FUBP1: variants seen among roughly 807,000 people sequenced by gnomAD.
FUBP1 encodes far upstream element binding protein 1, also known as far upstream element-binding protein 1.
A neutral mutation model predicts 94.9 loss-of-function variants in FUBP1; 16 were observed. The ratio of observed to expected loss-of-function variants is 0.17; its 90% CI spans 0.11 to 0.26. The LOEUF is 0.26. FUBP1 is among the 10% of genes least tolerant of loss of function. FUBP1 has a pLI of 1.00. For synonymous variants in FUBP1, 279 were observed against 254.9 expected (o/e 1.09, Z -0.90); for missense variants, 583 against 808.6 (o/e 0.72, Z 3.38).
At chr1:77,953,347 C>G (rs889743308) in intron 18 of FUBP1, among the ~76,000 whole-genome samples, 1 of 150,754 alleles carries the variant, frequency 6.6e-6, no homozygotes, top group Non-Finnish European at 1.5e-5. Context: ...AAAAATCAGC[C>G]GGATGTGGTA....
intron 1 of FUBP1, among the ~76,000 whole-genome samples, chr1:77,975,535 A>C (rs539458395): frequency 7.9e-5 from 12 of 152,350 alleles, no homozygotes; most frequent in Admixed American, 5.2e-4. Flanking sequence ...CATAATGACT[A>C]ATTTCATAGT....
chr1:77,949,351 T>A lies in FUBP1; in HGVS notation c.1781-51A>T, dbSNP rs748470728. On this transcript the variant is annotated intron_variant, in intron 18 of 19. Transcript: ENST00000370768. ...TGTAACCACAATTATAAGCCCAACA[T>A]CTCATTTCTAATAAAAACAATACCT... 2.1e-6 allele frequency: 3 copies of A among 1,457,232 alleles called. No individual in the cohort carries two copies. In the South Asian group the frequency reaches 3.5e-5, roughly 17 times the overall value. 90.3% of individuals were successfully genotyped at this position (1,457,232 alleles called of 1,614,324 possible). A position where few individuals can be genotyped will look rare whatever the true frequency, so the allele number is the denominator to read the frequency against.
Position 77,944,777 on chromosome 1 carries a change from T to C in FUBP1, c.*3989A>G, listed in dbSNP as rs970569128. Reference sequence around the variant, plus strand: ...GAATTAACTACCAAGATAATTTGTTTAAAAGATATATTTTACAATGTTTAT... The same window carrying C: ...GAATTAACTACCAAGATAATTTGTTCAAAAGATATATTTTACAATGTTTAT... On this transcript the variant is annotated 3_prime_UTR_variant, in exon 20 of 20. Coordinates refer to ENST00000370768, the MANE Select transcript of FUBP1 (RefSeq NM_003902.5). Among the ~76,000 whole-genome samples the C allele has an allele frequency of 6.6e-6, 1 of 151,968 alleles. No individual in the cohort carries two copies. Among genetic ancestry groups the C allele is most frequent in the Non-Finnish European group, 1.5e-5 (1 of 67,868 alleles).
chr1:77,964,406 A>G (rs761762663), intron 10 of FUBP1, 50 bp from the exon 11 acceptor site: 2 of 1,117,416 alleles, frequency 1.8e-6, no homozygotes, highest in Non-Finnish European at 2.6e-6. Context: ...TCAGGGTTTA[A>G]AGTAAAAAAA....
At chr1:77,970,082 T>C in intron 1 of FUBP1, 67 bp from the exon 2 acceptor site, 4 of 712,630 alleles carry the variant, frequency 5.6e-6, no homozygotes, top group South Asian at 2.4e-5. Context: ...ATTACCCCCA[T>C]TTACTTCCTG....
chr1:77,965,219 C>T lies in FUBP1; in HGVS notation c.486G>A (p.Arg162=). Residue 162 remains arginine (R), a synonymous_variant, in exon 8 of 20, where the codon CGG becomes CGA. Coordinates refer to ENST00000370768, the MANE Select transcript of FUBP1 (RefSeq NM_003902.5). ...CTTTTTCAACAATCTGGTCCAGTAACCGTTTTGCTGACCTGTTAACAAATT... is the reference window on the plus strand; with the variant it reads ...CTTTTTCAACAATCTGGTCCAGTAATCGTTTTGCTGACCTGTTAACAAATT... ...GTPESVQSAK[R]LLDQIVEKGR... The T allele has an allele frequency of 6.2e-7, 1 of 1,603,202 alleles. No homozygotes were observed. Among genetic ancestry groups the T allele is most frequent in the South Asian group, 1.1e-5 (1 of 90,736 alleles).
At position 77,946,823 on chromosome 1, in the gene FUBP1, T is replaced by C. The variant is rs1256723657; in HGVS notation, c.*1943A>G. ...TAACAAATAGCTAACTCCTTAACTA[T>C]TAAACTTCATACTAGAACTATATAT... On this transcript the variant is annotated 3_prime_UTR_variant, in exon 20 of 20. Coordinates refer to ENST00000370768, the MANE Select transcript of FUBP1 (RefSeq NM_003902.5). The C allele has an allele frequency of 9.8e-6, 2 of 204,448 alleles. No homozygotes were observed. The highest frequency in any genetic ancestry group is 4.6e-5 in the African/African-American group (2 of 43,746). 12.7% of individuals were successfully genotyped at this position (204,448 alleles called of 1,614,324 possible). A position where few individuals can be genotyped will look rare whatever the true frequency, so the allele number is the denominator to read the frequency against.
chr1:77,956,481 T>A (rs1654480646), intron 17 of FUBP1, 91 bp downstream of exon 17: 1 of 647,882 alleles, frequency 1.5e-6, no homozygotes, highest in Non-Finnish European at 2.5e-6. Context: ...TTAAATAATG[T>A]CAGAAATTTT....
Position 77,960,695 on chromosome 1 carries a change from T to C in FUBP1, c.1345-200A>G, listed in dbSNP as rs935471987. On this transcript the variant is annotated intron_variant, in intron 14 of 19. Transcript: ENST00000370768. Reference sequence around the variant, plus strand: ...GACATGTAAAATTCACTAAAATCAATAGCAGTAGCAATTAAATGCAATTTA... The same window carrying C: ...GACATGTAAAATTCACTAAAATCAACAGCAGTAGCAATTAAATGCAATTTA... The C allele has an allele frequency of 2.8e-5, 13 of 469,774 alleles. No individual in the cohort carries two copies. In the South Asian group the frequency reaches 2.9e-4, roughly 10 times the overall value. 29.1% of individuals were successfully genotyped at this position (469,774 alleles called of 1,614,324 possible). A position where few individuals can be genotyped will look rare whatever the true frequency, so the allele number is the denominator to read the frequency against.
chr1:77,954,077 T>C (rs576644806), intron 18 of FUBP1, among the ~76,000 whole-genome samples: 2 of 152,254 alleles, frequency 1.3e-5, no homozygotes, highest in African/African-American at 4.8e-5. Flanking sequence ...CCTTCCACCT[T>C]AGCCTCCCAA....
In FUBP1 at chr1:77,963,697, GTCCACCAGGAT is replaced by G; in HGVS notation, c.1049_1059del (p.Asn350ThrfsTer10). 1 of 1,612,188 alleles carries G rather than the reference GTCCACCAGGAT, an allele frequency of 6.2e-7. No homozygotes were observed. The highest frequency in any genetic ancestry group is 8.5e-7 in the Non-Finnish European group (1 of 1,178,626). On this transcript the variant is annotated frameshift_variant, in exon 13 of 20. Coordinates refer to ENST00000370768, the MANE Select transcript of FUBP1 (RefSeq NM_003902.5). LOFTEE classifies it high-confidence loss of function. ...CCTCTTCCTCGACCACCAGGTCCAGGTCCACCAGGATTACCAGCCTATAGAGAGGGAAAGAC... is the reference window on the plus strand; with the variant it reads ...CCTCTTCCTCGACCACCAGGTCCAGGTACCAGCCTATAGAGAGGGAAAGAC...
chr1:77,949,005 C>T (rs370810484), intron 19 of FUBP1, 150 bp downstream of exon 19: 2 of 943,770 alleles, frequency 2.1e-6, no homozygotes, highest in African/African-American at 1.7e-5. Flanking sequence ...AACAAAAAAA[C>T]CCAAACAATA....
At chr1:77,956,140 GACTT>G (rs1654418628) in intron 17 of FUBP1, among the ~76,000 whole-genome samples, 1 of 152,140 alleles carries the variant, frequency 6.6e-6, no homozygotes, top group Non-Finnish European at 1.5e-5. Context: ...TATCAATGTT[GACTT>G]ACTGATTTGG....
At chr1:77,954,196 T>C (rs1571242971) in intron 18 of FUBP1, among the ~76,000 whole-genome samples, 1 of 152,240 alleles carries the variant, frequency 6.6e-6, no homozygotes, top group Non-Finnish European at 1.5e-5. Context: ...CTGACCACAA[T>C]GCTGTCAGGG....
chr1:77,978,775 C>G, intron 1 of FUBP1, 110 bp downstream of exon 1: 1 of 1,332,156 alleles, frequency 7.5e-7, no homozygotes, highest in Admixed American at 1.7e-5. Flanking sequence ...ACATTTCAGC[C>G]CGGAAGAACA....
upstream of FUBP1, chr1:77,979,205 C>G (rs1659371117): frequency 3.5e-6 from 2 of 572,808 alleles, no homozygotes; most frequent in African/African-American, 1.9e-5. Context: ...TGAGAAAGAA[C>G]GACAGGAACA....
Position 77,948,025 on chromosome 1 carries a change from A to G in FUBP1, c.*741T>C, listed in dbSNP as rs533751443. ...GCCGAAACAGTCTTGGAAATCAAGTATTATCAAATTAAGAACAGAAAGGTT... is the reference window on the plus strand; with the variant it reads ...GCCGAAACAGTCTTGGAAATCAAGTGTTATCAAATTAAGAACAGAAAGGTT... On this transcript the variant is annotated 3_prime_UTR_variant, in exon 20 of 20. Transcript: ENST00000370768. 2.9e-6 allele frequency: 3 copies of G among 1,030,802 alleles called. No homozygotes were observed. In the East Asian group the frequency reaches 1.7e-4, roughly 60 times the overall value. The allele number at this position is 1,030,802 out of a possible 1,614,324, so 63.9% of individuals were successfully genotyped here.
intron 3 of FUBP1, among the ~76,000 whole-genome samples, chr1:77,967,883 C>T (rs1029819016): frequency 2.0e-5 from 3 of 152,120 alleles, no homozygotes; most frequent in African/African-American, 7.2e-5. Context: ...TGGCACAGAA[C>T]AAAATAATTT....
rs60897865 is a variant in FUBP1, at chr1:77,948,625, CAA to C, written c.*139_*140del. The C allele has an allele frequency of 0.027, 25,281 of 940,318 alleles. No individual in the cohort carries two copies. Among genetic ancestry groups the C allele is most frequent in the South Asian group, 0.04 (1,424 of 35,872 alleles). 58.2% of individuals were successfully genotyped at this position (940,318 alleles called of 1,614,324 possible). A position where few individuals can be genotyped will look rare whatever the true frequency, so the allele number is the denominator to read the frequency against. On this transcript the variant is annotated 3_prime_UTR_variant, in exon 20 of 20. Transcript: ENST00000370768. ...TAGTGATAGATATTTTGTACATTTT[CAA>C]AAAAAAAAAAAAAAAAGGAAACACT...
Sources: gnomAD v4.1 joint callset for allele counts (sites outside exome capture counted in the v4.1 genomes callset) on GRCh38, gnomAD v4.1.1 for gene constraint, MANE v1.5 for transcripts, NCBI Gene and HGNC (gene_info 2026-07-23, HGNC 2026-07-21) for gene names.